MUC12: variants seen among roughly 807,000 people sequenced by gnomAD.
MUC12 encodes the protein mucin-12.
A neutral mutation model predicts 230.8 loss-of-function variants in MUC12; 172 were observed. The ratio of observed to expected loss-of-function variants is 0.75; its 90% CI spans 0.66 to 0.85. The LOEUF (loss-of-function observed/expected upper bound fraction) is 0.85, where lower values mean the gene tolerates loss of function less well. MUC12 is among the 40% of genes least tolerant of loss of function. The pLI is 0.00. For synonymous variants in MUC12, 1,259 were observed against 2,401.9 expected, an observed-to-expected ratio of 0.52 and a Z score of 13.91; for missense variants, 3,506 against 5,920.6, an observed-to-expected ratio of 0.59 and a Z score of 13.38.
chr7:100,978,367 G>A (rs985253287), intron 1 of MUC12, among the ~76,000 whole-genome samples: 1 of 152,178 alleles, frequency 6.6e-6, no homozygotes, highest in Admixed American at 6.6e-5. Flanking sequence ...AGAGCAGAAT[G>A]TGCACCTAGA....
chr7:101,016,238 CAAAG>C (rs904845842), intron 10 of MUC12, among the ~76,000 whole-genome samples: 41 of 151,584 alleles, frequency 2.7e-4, no homozygotes, highest in Admixed American at 2.6e-4. Flanking sequence ...GTCAATCTCA[CAAAG>C]AAAGAGTGAG....
chr7:100,992,386 T>C lies in MUC12; in HGVS notation c.1823T>C (p.Val608Ala), dbSNP rs1450931988. The change falls in exon 2 of 12, where the codon GTC becomes GCC. Residue 608 changes from valine to alanine, a missense_variant. Coordinates refer to ENST00000536621, the MANE Select transcript of MUC12 (RefSeq NM_001164462.2). ...ASGLLEASMPVHSSTRSPHTT... is the reference protein window; with the variant it reads ...ASGLLEASMPAHSSTRSPHTT... ...GGACTCCTTGAAGCATCTATGCCCG[T>C]CCACAGCAGCACCAGATCGCCACAC... The C allele has an allele frequency of 2.0e-6, 3 of 1,536,512 alleles. No individual in the cohort carries two copies. The highest frequency in any genetic ancestry group is 3.9e-5 in the Admixed American group (2 of 50,942).
intron 11 of MUC12, 142 bp downstream of exon 11, chr7:101,017,805 T>G: frequency 2.5e-6 from 1 of 404,020 alleles, no homozygotes; most frequent in Non-Finnish European, 4.2e-6. Flanking sequence ...ACCCCTTCCC[T>G]TTCCCTTCCC....
In MUC12 at chr7:101,004,688, G is replaced by C. The variant is rs781451678; in HGVS notation, c.14125G>C (p.Ala4709Pro). The C allele has an allele frequency of 6.5e-7, 1 of 1,537,626 alleles. No homozygotes were observed. The highest frequency in any genetic ancestry group is 8.7e-7 in the Non-Finnish European group (1 of 1,147,036). ...PAHFTTSGRI[A>P]ESTTFYISPG... ...CCATTTTACTACCTCAGGCCGCATT[G>C]CAGAATCTACCACCTTCTATATCTC... The change falls in exon 2 of 12, where the codon GCA becomes CCA. Residue 4709 changes from alanine to proline, a missense_variant. By Grantham distance (27) the Ala-to-Pro change is conservative (BLOSUM62 -1). Transcript: ENST00000536621.
Position 101,005,447 on chromosome 7 carries a change from AC to A in MUC12, c.14886del (p.Thr4963ProfsTer21). On this transcript the variant is annotated frameshift_variant, in exon 2 of 12. Coordinates refer to ENST00000536621, the MANE Select transcript of MUC12 (RefSeq NM_001164462.2). LOFTEE classifies it high-confidence loss of function. Reference sequence around the variant, plus strand: ...CACATCAGGCCTCACTGAGGAATCTACCACCTTCCACACCAGTCCAAGCTTC... The same window carrying A: ...CACATCAGGCCTCACTGAGGAATCTACACCTTCCACACCAGTCCAAGCTTC... ...SSTSGLTEES[T>X]TFHTSPSFTS... is the part of the protein sequence containing the mutation. 1 of 1,537,858 alleles carries A rather than the reference AC, an allele frequency of 6.5e-7. No homozygotes were observed. Among genetic ancestry groups the A allele is most frequent in the Non-Finnish European group, 8.7e-7 (1 of 1,147,016 alleles).
chr7:100,975,568 G>A (rs1214590801), intron 1 of MUC12, among the ~76,000 whole-genome samples: 1 of 152,300 alleles, frequency 6.6e-6, no homozygotes, highest in African/African-American at 2.4e-5. Flanking sequence ...CTCTGGATAA[G>A]GCAGGGTGAA....
Position 100,990,902 on chromosome 7 carries a change from C to T in MUC12, c.339C>T (p.Pro113=), listed in dbSNP as rs1793277194. 1.3e-6 allele frequency: 2 copies of T among 1,537,750 alleles called. No individual in the cohort carries two copies. The highest frequency in any genetic ancestry group is 1.4e-5 in the African/African-American group (1 of 72,996). Residue 113 remains proline (P), a synonymous_variant, in exon 2 of 12, where the codon CCC becomes CCT. Coordinates refer to ENST00000536621, the MANE Select transcript of MUC12 (RefSeq NM_001164462.2). ...SVFVGEPKTS[P]ITSASMETTA... The stretch of plus-strand genomic sequence containing the variant: ...TTGTTGGAGAACCTAAAACCTCACC[C>T]ATCACTTCAGCCTCAATGGAAACAA...
At chr7:100,989,058 T>C (rs936285291) in intron 1 of MUC12, among the ~76,000 whole-genome samples, 1 of 151,954 alleles carries the variant, frequency 6.6e-6, no homozygotes, top group Non-Finnish European at 1.5e-5. Context: ...ATTTTTTCTG[T>C]ATAAATTACC....
intron 1 of MUC12, among the ~76,000 whole-genome samples, chr7:100,982,860 C>T (rs545997551): frequency 1.1e-4 from 16 of 152,124 alleles, no homozygotes; most frequent in South Asian, 8.3e-4. Flanking sequence ...CTCCTGAGTA[C>T]CTGGAACTGA....
intron 1 of MUC12, among the ~76,000 whole-genome samples, chr7:100,973,230 C>G (rs1003047967): frequency 1.3e-5 from 2 of 152,288 alleles, no homozygotes; most frequent in Non-Finnish European, 2.9e-5. Flanking sequence ...ACCCAACTCC[C>G]CTGGAAATGG....
At chr7:100,988,289 GAAAAAAAA>G (rs1167163725) in intron 1 of MUC12, among the ~76,000 whole-genome samples, 8 of 78,738 alleles carry the variant, frequency 1.0e-4, no homozygotes, top group African/African-American at 3.2e-4. Flanking sequence ...GGCTGTCCCA[GAAAAAAAA>G]AAAAAAAAAA....
At chr7:100,971,642 C>G (rs530297434) in intron 1 of MUC12, among the ~76,000 whole-genome samples, 8 of 152,428 alleles carry the variant, frequency 5.2e-5, no homozygotes, top group South Asian at 4.1e-4. Context: ...GTGACGAACT[C>G]TGTGGATTTG....
intron 7 of MUC12, 21 bp from the exon 8 acceptor site, chr7:101,012,959 C>A (rs1244311747): frequency 6.5e-7 from 1 of 1,537,154 alleles, no homozygotes; most frequent in African/African-American, 1.4e-5. Context: ...CTCATGCATG[C>A]TGCCCGCCCC....
chr7:101,013,297 AC>A (rs1369375210), intron 8 of MUC12, among the ~76,000 whole-genome samples, 155 bp downstream of exon 8: 2 of 151,612 alleles, frequency 1.3e-5, no homozygotes, highest in Non-Finnish European at 2.9e-5. Context: ...TCTCATTCCC[AC>A]CCCCCACACC....
In MUC12 at chr7:100,995,432, C is replaced by G. The variant is rs1584835029; in HGVS notation, c.4869C>G (p.Thr1623=). 6.5e-7 allele frequency: 1 copy of G among 1,533,938 alleles called. No individual in the cohort carries two copies. Residue 1623 remains threonine, a synonymous_variant, in exon 2 of 12, where the codon ACC becomes ACG. Coordinates refer to ENST00000536621, the MANE Select transcript of MUC12 (RefSeq NM_001164462.2). ...ACACAACATTGTCCCCTGGCAGTACCACAGCATCATCCCTTGGTCCAGAAT... is the reference window on the plus strand; with the variant it reads ...ACACAACATTGTCCCCTGGCAGTACGACAGCATCATCCCTTGGTCCAGAAT... The part of the protein sequence containing the change: ...STDTTLSPGS[T]TASSLGPEST...
Position 101,012,347 on chromosome 7 carries a change from T to G in MUC12, c.15303T>G (p.Thr5101=). The change falls in exon 6 of 12, where the codon ACT becomes ACG. Residue 5101 remains threonine, a synonymous_variant. Transcript: ENST00000536621. The stretch of plus-strand genomic sequence containing the variant: ...ATGTCATCCTGGAGGCAGACTACAC[T>G]TTAGAGTATGAGGAACTGTTTGAAA... ...KNDVILEADY[T]LEYEELFENL... is the part of the protein sequence containing the mutation. 8.5e-6 allele frequency: 13 copies of G among 1,537,434 alleles called. No individual in the cohort carries two copies. Among genetic ancestry groups the G allele is most frequent in the Non-Finnish European group, 1.1e-5 (13 of 1,146,946 alleles).
At chr7:101,016,843 C>G (rs1793931448) in intron 10 of MUC12, 1 of 152,546 alleles carries the variant, frequency 6.6e-6, no homozygotes, top group South Asian at 2.1e-4. Flanking sequence ...GTGGAGCACA[C>G]TGAGTTGGGG....
intron 1 of MUC12, chr7:100,973,064 G>A (rs1471302615): frequency 5.7e-6 from 4 of 701,676 alleles, no homozygotes; most frequent in Admixed American, 2.0e-5. Flanking sequence ...TGGATGACAG[G>A]AGCAGTAAGA....
rs1008690140 is a variant in MUC12 at position 101,006,402 on chromosome 7, G to A, written c.14957-69G>A. 1.1e-5 allele frequency: 11 copies of A among 1,029,602 alleles called. 1 individual carries two copies. The Admixed American group carries it at 1.4e-4, about 13-fold the overall frequency. The allele number at this position is 1,029,602 out of a possible 1,614,324, so 63.8% of individuals were successfully genotyped here. A position where few individuals can be genotyped will look rare whatever the true frequency, so the allele number is the denominator to read the frequency against. Reference sequence around the variant, plus strand: ...AGTGCGATGCTGAGTGACTGGACCTGGAATGGGAGTGCGTGTTTTTGCTCT... The same window carrying A: ...AGTGCGATGCTGAGTGACTGGACCTAGAATGGGAGTGCGTGTTTTTGCTCT... On this transcript the variant is annotated intron_variant, in intron 2 of 11. Coordinates refer to ENST00000536621, the MANE Select transcript of MUC12 (RefSeq NM_001164462.2).
Sources: allele counts gnomAD v4.1 joint callset (sites outside exome capture counted in the v4.1 genomes callset), GRCh38; gene constraint gnomAD v4.1.1; transcripts MANE v1.5; gene names NCBI Gene and HGNC (gene_info 2026-07-23, HGNC 2026-07-21).